DOCK10: variants seen among roughly 807,000 people sequenced by gnomAD.
DOCK10 encodes dedicator of cytokinesis protein 10.
A neutral mutation model predicts 280.1 loss-of-function variants in DOCK10; 145 were observed. The observed-to-expected ratio is 0.52, with a 90% CI of 0.45 to 0.59. The LOEUF (loss-of-function observed/expected upper bound fraction) is 0.59, where lower values mean the gene tolerates loss of function less well. Ranked by LOEUF, DOCK10 falls within the 20% of genes least tolerant of loss-of-function variation. DOCK10 has a pLI of 0.00. For synonymous variants in DOCK10, 915 were observed against 942.2 expected, an observed-to-expected ratio of 0.97 and a Z score of 0.53; for missense variants, 2,368 against 2,651.7, an observed-to-expected ratio of 0.89 and a Z score of 2.35.
intron 1 of DOCK10, among the ~76,000 whole-genome samples, chr2:225,040,961 C>T (rs1052565396): frequency 6.6e-6 from 1 of 152,136 alleles, no homozygotes; most frequent in Non-Finnish European, 1.5e-5. Flanking sequence ...AGTTGAACCA[C>T]CTCTGGGTAA....
At chr2:224,968,346 G>A (rs1429907902) in intron 1 of DOCK10, among the ~76,000 whole-genome samples, 2 of 152,164 alleles carry the variant, frequency 1.3e-5, no homozygotes, top group East Asian at 1.9e-4. Flanking sequence ...ATGAATCAAG[G>A]AAAAAGACAA....
At position 224,807,840 on chromosome 2, in the gene DOCK10, G is replaced by A. The variant is rs1354821245; in HGVS notation, c.3586-56C>T. 4.1e-5 allele frequency: 64 copies of A among 1,575,872 alleles called. No homozygotes were observed. In the East Asian group the frequency reaches 7.5e-4, roughly 18 times the overall value. ...TCATGTAAAAATCAATAGGCTTGTC[G>A]GTTTCATATGCATTTAATGCAGTGA... On this transcript the variant is annotated intron_variant, in intron 32 of 55. Transcript: ENST00000258390.
At chr2:224,899,143 A>G (rs915997071) in intron 3 of DOCK10, among the ~76,000 whole-genome samples, 1 of 152,100 alleles carries the variant, frequency 6.6e-6, no homozygotes, top group Non-Finnish European at 1.5e-5. Flanking sequence ...TTCCCTTTCA[A>G]TCCTTTTTCT....
intron 25 of DOCK10, among the ~76,000 whole-genome samples, chr2:224,836,797 C>T (rs1695619752): frequency 6.6e-6 from 1 of 151,956 alleles, no homozygotes; most frequent in Admixed American, 6.6e-5. Context: ...GACAGGGTTT[C>T]ACTGTGTTAG....
chr2:224,872,414 A>C (rs1264779317), intron 11 of DOCK10, among the ~76,000 whole-genome samples: 1 of 152,216 alleles, frequency 6.6e-6, no homozygotes, highest in Non-Finnish European at 1.5e-5. Context: ...AGTTGCCCAG[A>C]GTGGCACAAC....
rs1406322184 is a variant in DOCK10, at chr2:224,834,229, G to A, written c.2885C>T (p.Thr962Ile). 6.2e-7 allele frequency: 1 copy of A among 1,612,812 alleles called. No homozygotes were observed. The highest frequency in any genetic ancestry group is 1.3e-5 in the African/African-American group (1 of 74,854). ...ATTTTTAGCCAGTTCCTCATGTACAGTCCTCTCCTTGCATGCCCTGGTCTT... is the reference window on the plus strand; with the variant it reads ...ATTTTTAGCCAGTTCCTCATGTACAATCCTCTCCTTGCATGCCCTGGTCTT... ...VFKTRACKER[T>I]VHEELAKNVT... Residue 962 changes from threonine (T) to isoleucine (I), a missense_variant, in exon 26 of 56, where the codon ACT becomes ATT. Physicochemically the swap from Thr to Ile is moderately conservative, Grantham distance 89 (BLOSUM62 -1). Around this residue, in one of 2 missense-constraint regions of DOCK10, gnomAD observed 1,209 missense variants for 1,250.9 expected, o/e 0.97. Transcript: ENST00000258390.
intron 2 of DOCK10, among the ~76,000 whole-genome samples, chr2:224,925,277 G>C (rs778588903): frequency 4.6e-5 from 7 of 151,976 alleles, no homozygotes; most frequent in Non-Finnish European, 8.8e-5. Flanking sequence ...GACCCTTGTG[G>C]TTGAGTCTAG....
intron 44 of DOCK10, among the ~76,000 whole-genome samples, chr2:224,795,397 T>G (rs1413450256): frequency 6.6e-6 from 1 of 152,220 alleles, no homozygotes; most frequent in African/African-American, 2.4e-5. Context: ...TTTGAACAGG[T>G]CTGACTTTAC....
chr2:224,918,799 A>AGTGTATGTGTGAGTGTGGTG (rs1701491869), intron 2 of DOCK10, among the ~76,000 whole-genome samples: 1 of 144,660 alleles, frequency 6.9e-6, no homozygotes, highest in Admixed American at 6.9e-5. Flanking sequence ...TGAGTGTGGT[A>AGTGTATGTGTGAGTGTGGTG]GTGTATGTGT....
At position 224,770,600 on chromosome 2, in the gene DOCK10, TTTC is replaced by T; in HGVS notation, c.6247_6249del (p.Glu2083del). On this transcript the variant is annotated inframe_deletion, in exon 54 of 56. Coordinates refer to ENST00000258390, the MANE Select transcript of DOCK10 (RefSeq NM_014689.3). The surrounding 1 kb of genome is among the most constrained non-coding windows in gnomAD (Gnocchi z 4.5). The stretch of plus-strand genomic sequence containing the variant: ...TTGTCAGGGTACTTCTTTGCATTGG[TTTC>T]TTCAAGAAAAGCTCGTGCATAGGCC... The T allele has an allele frequency of 1.2e-6, 2 of 1,613,986 alleles. No homozygotes were observed. The highest frequency in any genetic ancestry group is 1.3e-5 in the African/African-American group (1 of 75,046).
chr2:224,842,357 A>G (rs970408874), intron 22 of DOCK10, among the ~76,000 whole-genome samples: 1 of 152,234 alleles, frequency 6.6e-6, no homozygotes, highest in East Asian at 1.9e-4. Flanking sequence ...TAGAAAGTCC[A>G]CAACTCATTA....
At chr2:225,001,774 G>A (rs563032134) in intron 1 of DOCK10, among the ~76,000 whole-genome samples, 1 of 152,342 alleles carries the variant, frequency 6.6e-6, no homozygotes, top group South Asian at 2.1e-4. Flanking sequence ...TGGTGTCTGT[G>A]AGGGCCTGCC....
At chr2:224,929,838 T>G (rs1321476267) in intron 2 of DOCK10, among the ~76,000 whole-genome samples, 1 of 152,084 alleles carries the variant, frequency 6.6e-6, no homozygotes, top group Non-Finnish European at 1.5e-5. Context: ...ATTTGACATA[T>G]TTTTGAAGGA....
chr2:224,926,177 G>C (rs927316231), intron 2 of DOCK10, among the ~76,000 whole-genome samples: 15 of 152,182 alleles, frequency 9.9e-5, no homozygotes, highest in Non-Finnish European at 2.1e-4. Flanking sequence ...CTTAGTCCCA[G>C]AACCCACATA....
At chr2:224,849,222 C>T (rs563958498) in intron 19 of DOCK10, among the ~76,000 whole-genome samples, 1 of 152,334 alleles carries the variant, frequency 6.6e-6, no homozygotes, top group African/African-American at 2.4e-5. Flanking sequence ...GATCCGCCTG[C>T]CTTGGCCTCC....
At chr2:224,777,923 T>G (rs1268859884) in intron 51 of DOCK10, among the ~76,000 whole-genome samples, 4 of 152,244 alleles carry the variant, frequency 2.6e-5, no homozygotes, top group African/African-American at 9.6e-5. Context: ...GAGAATTTAC[T>G]AAGCTCTTTT....
chr2:224,832,486 T>C (rs1574902785), intron 26 of DOCK10, among the ~76,000 whole-genome samples: 1 of 152,324 alleles, frequency 6.6e-6, no homozygotes, highest in Non-Finnish European at 1.5e-5. Context: ...ACAGTCCTAA[T>C]TCCAGAAGAC....
intron 1 of DOCK10, among the ~76,000 whole-genome samples, chr2:224,957,980 T>C (rs1448109321): frequency 6.6e-6 from 1 of 152,216 alleles, no homozygotes; most frequent in Non-Finnish European, 1.5e-5. Flanking sequence ...ATTGGGACTG[T>C]GGTGTTGGCC....
At chr2:225,008,251 A>G (rs281524) in intron 1 of DOCK10, among the ~76,000 whole-genome samples, 65,419 of 152,018 alleles carry the variant, frequency 0.43, 15,700 homozygotes, top group South Asian at 0.6. Context: ...CTCTCTCCTC[A>G]ACCTCCAGAG....
Sources: allele counts gnomAD v4.1 joint callset (sites outside exome capture counted in the v4.1 genomes callset), GRCh38; gene constraint gnomAD v4.1.1; regional missense constraint gnomAD v4.1.1; non-coding constraint Gnocchi (gnomAD v3.1); transcripts MANE v1.5; gene names NCBI Gene and HGNC (gene_info 2026-07-23, HGNC 2026-07-21).